Variants in KAZN observed in about 807,000 individuals in gnomAD.
KAZN encodes the protein kazrin, periplakin interacting protein.
Under a neutral mutation model 87.4 loss-of-function variants are expected in KAZN, and 40 were observed. The observed-to-expected ratio is 0.46, with a 90% CI of 0.36 to 0.60. The LOEUF (loss-of-function observed/expected upper bound fraction) is 0.60, where lower values mean the gene tolerates loss of function less well. KAZN is among the 20% of genes least tolerant of loss of function. KAZN has a pLI of 0.00. For missense variants in KAZN, 898 were observed against 1,073.9 expected (o/e 0.84, Z 2.29); for synonymous variants, 466 against 458.3 (o/e 1.02, Z -0.22).
chr1:13,912,516 G>A (rs1212771362), intron 1 of KAZN, among the ~76,000 whole-genome samples: 1 of 152,170 alleles, frequency 6.6e-6, no homozygotes, highest in Non-Finnish European at 1.5e-5. Flanking sequence ...AACAGCTCAT[G>A]TTGACACCCA....
intron 8 of KAZN, among the ~76,000 whole-genome samples, chr1:15,082,248 C>T (rs771767519): frequency 6.6e-6 from 1 of 152,206 alleles, no homozygotes; most frequent in Non-Finnish European, 1.5e-5. Context: ...CCTCACTTGA[C>T]CTCCAGGGAA....
intron 2 of KAZN, among the ~76,000 whole-genome samples, chr1:14,566,883 G>C (rs1674578687): frequency 6.6e-6 from 1 of 152,220 alleles, no homozygotes; most frequent in African/African-American, 2.4e-5. Flanking sequence ...TTAAAGGAAT[G>C]CTATGGCTAG....
chr1:14,528,201 G>T (rs1267062857), intron 2 of KAZN, among the ~76,000 whole-genome samples: 5 of 151,558 alleles, frequency 3.3e-5, no homozygotes, highest in Non-Finnish European at 7.4e-5. Context: ...AGCTGGGTGT[G>T]GTGGTGCACA....
chr1:14,506,407 T>C (rs1670586120), intron 2 of KAZN, among the ~76,000 whole-genome samples: 1 of 152,242 alleles, frequency 6.6e-6, no homozygotes, highest in Admixed American at 6.5e-5. Context: ...GCCATGATCA[T>C]CGTTTATACC....
intron 1 of KAZN, among the ~76,000 whole-genome samples, chr1:14,637,178 G>A (rs527707449): frequency 1.6e-4 from 24 of 152,284 alleles, no homozygotes; most frequent in Non-Finnish European, 2.5e-4. Context: ...CCAGAAAAAC[G>A]CGTGCAGCAG....
intron 1 of KAZN, among the ~76,000 whole-genome samples, chr1:14,722,767 C>G (rs925138543): frequency 4.6e-5 from 7 of 152,128 alleles, no homozygotes; most frequent in Non-Finnish European, 8.8e-5. Context: ...CCTATCCACA[C>G]CTAGATTCCC....
chr1:14,189,026 G>C (rs1285745318), intron 2 of KAZN, among the ~76,000 whole-genome samples: 1 of 152,104 alleles, frequency 6.6e-6, no homozygotes, highest in African/African-American at 2.4e-5. Context: ...GTAAATTGAG[G>C]CATGGTGTTG....
intron 1 of KAZN, among the ~76,000 whole-genome samples, chr1:14,765,158 G>C (rs1644852280): frequency 6.6e-6 from 1 of 152,108 alleles, no homozygotes; most frequent in Admixed American, 6.5e-5. Flanking sequence ...TGCATGGTAG[G>C]GTGCTCAACA....
chr1:15,108,014 C>G (rs1641355397), intron 13 of KAZN, among the ~76,000 whole-genome samples: 1 of 152,212 alleles, frequency 6.6e-6, no homozygotes, highest in Non-Finnish European at 1.5e-5. Context: ...TCAATTTCCT[C>G]TGGAGTAGCT....
At chr1:14,116,578 A>G (rs12061233) in intron 1 of KAZN, among the ~76,000 whole-genome samples, 12,752 of 152,284 alleles carry the variant, frequency 0.084, 1,036 homozygotes, top group African/African-American at 0.21. Context: ...GGGTTTTCAT[A>G]GAGAGCCTCT....
intron 13 of KAZN, among the ~76,000 whole-genome samples, chr1:15,107,152 CT>C (rs1641323740): frequency 6.6e-6 from 1 of 152,150 alleles, no homozygotes; most frequent in African/African-American, 2.4e-5. Flanking sequence ...AATAGTGCCC[CT>C]TTTGCCATAA....
intron 1 of KAZN, among the ~76,000 whole-genome samples, chr1:14,728,496 A>C (rs1643524538): frequency 6.6e-6 from 1 of 152,050 alleles, no homozygotes; most frequent in Admixed American, 6.6e-5. Context: ...GGATGAATGA[A>C]TGATGAACTA....
At chr1:14,417,993 C>CCAAAAAAAAAAA (rs1664951096) in intron 2 of KAZN, among the ~76,000 whole-genome samples, 2 of 33,808 alleles carry the variant, frequency 5.9e-5, no homozygotes, top group Non-Finnish European at 1.1e-4. Context: ...GAGACTGCCT[C>CCAAAAAAAAAAA]AAAAAAAAAA....
chr1:14,804,196 G>T (rs1247414893), intron 1 of KAZN, among the ~76,000 whole-genome samples: 1 of 152,210 alleles, frequency 6.6e-6, no homozygotes, highest in Non-Finnish European at 1.5e-5. Context: ...TTGGGCAGGG[G>T]TCTTTATTGC....
intron 2 of KAZN, among the ~76,000 whole-genome samples, chr1:14,286,805 C>T (rs920301222): frequency 4.6e-5 from 7 of 152,122 alleles, no homozygotes; most frequent in African/African-American, 7.2e-5. Flanking sequence ...ACACTCATAA[C>T]TTGAATTTTC....
At chr1:13,949,184 C>T (rs144789443) in intron 1 of KAZN, among the ~76,000 whole-genome samples, 126 of 152,316 alleles carry the variant, frequency 8.3e-4, no homozygotes, top group African/African-American at 3.0e-3. Context: ...CAGTTACTCT[C>T]AAGATTTTTA....
At chr1:14,920,900 C>T (rs1658439766) in intron 1 of KAZN, among the ~76,000 whole-genome samples, 1 of 152,128 alleles carries the variant, frequency 6.6e-6, no homozygotes, top group Non-Finnish European at 1.5e-5. Flanking sequence ...TGAGCAGAAA[C>T]ATCTCCTGGG....
In KAZN at chr1:15,077,879, G is replaced by A. The variant is rs1015460591; in HGVS notation, c.1222+12126G>A. On this transcript the variant is annotated intron_variant, in intron 8 of 14. Transcript: ENST00000376030. The surrounding 1 kb of genome is among the most constrained non-coding windows in gnomAD (Gnocchi z 4.8). ...GGTGTGAGGAAAGCTAATATGACTT[G>A]CTGACATTTACTAAGTGCCTACTGT... Among the ~76,000 whole-genome samples, 1 of 152,166 alleles carries A rather than the reference G, an allele frequency of 6.6e-6. No individual in the cohort carries two copies. Among genetic ancestry groups the A allele is most frequent in the Non-Finnish European group, 1.5e-5 (1 of 68,028 alleles).
chr1:14,635,281 A>G (rs1045306065), intron 1 of KAZN, among the ~76,000 whole-genome samples: 1 of 152,186 alleles, frequency 6.6e-6, no homozygotes, highest in Admixed American at 6.5e-5. Context: ...TAAGTGTCCT[A>G]TTTGGGGTAG....
Sources: gnomAD v4.1 joint callset for allele counts (sites outside exome capture counted in the v4.1 genomes callset) on GRCh38, gnomAD v4.1.1 for gene constraint, Gnocchi (gnomAD v3.1) non-coding constraint, MANE v1.5 for transcripts, NCBI Gene and HGNC (gene_info 2026-07-23, HGNC 2026-07-21) for gene names.